The following FAM120C variants were observed in gnomAD, a reference collection of about 807,000 sequenced individuals.
FAM120C encodes family with sequence similarity 120 member C.
Under a neutral mutation model 71.2 loss-of-function variants are expected in FAM120C, and 14 were observed. That is an observed-to-expected ratio of 0.20 (90% CI 0.13 to 0.31). The LOEUF (loss-of-function observed/expected upper bound fraction) is 0.31. Ranked by LOEUF, FAM120C falls within the 10% of genes least tolerant of loss-of-function variation. FAM120C has a pLI of 1.00. For missense variants in FAM120C, 500 were observed against 879.0 expected (o/e 0.57, Z 5.45); for synonymous variants, 354 against 353.2 (o/e 1.00, Z -0.03).
Position 54,135,580 on chromosome X carries a change from T to C in FAM120C, c.1283A>G (p.Asn428Ser), listed in dbSNP as rs910709521. Residue 428 changes from asparagine (N) to serine (S), a missense_variant, in exon 6 of 16, where the codon AAT becomes AGT. Asn to Ser is a conservative substitution (Grantham distance 46). Transcript: ENST00000375180. The stretch of plus-strand genomic sequence containing the variant: ...CACTTGATTTCGTGGAAGGGGAGGA[T>C]TTCCAAGCCTATTATTCCGAAAACC... ...FLGFRNNRLG[N>S]PPLPRNQVGT... 12 of 1,209,546 alleles carry C rather than the reference T, an allele frequency of 9.9e-6. No individual in the cohort carries two copies. Among genetic ancestry groups the C allele is most frequent in the Non-Finnish European group, 1.3e-5 (12 of 894,423 alleles).
intron 10 of FAM120C, among the ~76,000 whole-genome samples, chrX:54,113,269 C>A (rs1468215572): frequency 9.2e-6 from 1 of 108,851 alleles, no homozygotes; most frequent in Non-Finnish European, 1.9e-5. Flanking sequence ...CAAGACCAGC[C>A]TGGCCAACAT....
chrX:54,128,924 C>T (rs1396524150), intron 9 of FAM120C, among the ~76,000 whole-genome samples: 47 of 110,691 alleles, frequency 4.2e-4, no homozygotes, highest in Non-Finnish European at 8.9e-4. Context: ...CCCCACCTTT[C>T]CCCCTTTTCT....
chrX:54,078,819 T>C (rs1479626394), intron 15 of FAM120C, among the ~76,000 whole-genome samples: 1 of 110,111 alleles, frequency 9.1e-6, no homozygotes, highest in Non-Finnish European at 1.9e-5. Flanking sequence ...GGGTGGGGCA[T>C]ACCTAATGAG....
At chrX:54,129,695 C>T (rs1439658287) in intron 9 of FAM120C, among the ~76,000 whole-genome samples, 1 of 112,107 alleles carries the variant, frequency 8.9e-6, no homozygotes, top group Non-Finnish European at 1.9e-5. Context: ...TTGTAGCGAG[C>T]CAAGATCACG....
At chrX:54,145,244 A>C (rs1387297651) in intron 4 of FAM120C, among the ~76,000 whole-genome samples, 1 of 112,358 alleles carries the variant, frequency 8.9e-6, no homozygotes, top group Non-Finnish European at 1.9e-5. Context: ...ACCATTCAGG[A>C]CATAGGCATG....
At chrX:54,174,148 T>C (rs1557136355) in intron 1 of FAM120C, 1 of 513,448 alleles carries the variant, frequency 1.9e-6, no homozygotes, top group Admixed American at 2.6e-5. Flanking sequence ...GGCAGCTTGC[T>C]TCATCAGAGT....
intron 4 of FAM120C, among the ~76,000 whole-genome samples, chrX:54,141,995 T>C (rs138801610): frequency 0.03 from 3,381 of 111,524 alleles, 135 homozygotes; most frequent in African/African-American, 0.1. Flanking sequence ...TATTCATGGA[T>C]TCAAAGGCTC....
chrX:54,094,083 CTTTTTT>C (rs35721972), intron 10 of FAM120C, among the ~76,000 whole-genome samples: 3 of 61,443 alleles, frequency 4.9e-5, no homozygotes, highest in Non-Finnish European at 8.4e-5. Context: ...TCCACGACTC[CTTTTTT>C]TTTTTTTTTT....
intron 13 of FAM120C, among the ~76,000 whole-genome samples, chrX:54,083,726 T>C (rs1448014934): frequency 1.8e-5 from 2 of 110,407 alleles, no homozygotes; most frequent in African/African-American, 6.6e-5. Flanking sequence ...ACCTTTTTGT[T>C]TGTTTGTTTG....
At chrX:54,163,935 TA>T (rs1569533698) in intron 1 of FAM120C, among the ~76,000 whole-genome samples, 3 of 107,594 alleles carry the variant, frequency 2.8e-5, no homozygotes, top group African/African-American at 1.0e-4. Context: ...CATATATATA[TA>T]TATTTTTTTT....
chrX:54,161,506 G>C (rs782618044), intron 1 of FAM120C, among the ~76,000 whole-genome samples: 10 of 112,174 alleles, frequency 8.9e-5, no homozygotes, highest in African/African-American at 1.3e-4. Flanking sequence ...AGAAAGCCAA[G>C]GACTAGTGAT....
intron 9 of FAM120C, among the ~76,000 whole-genome samples, chrX:54,130,150 G>A (rs891839383): frequency 9.9e-6 from 1 of 101,123 alleles, no homozygotes; most frequent in Non-Finnish European, 2.0e-5. Context: ...GGGAGAGGGA[G>A]AGGGAGAGGG....
chrX:54,180,948 CA>C (rs1225066749), intron 1 of FAM120C, among the ~76,000 whole-genome samples: 1 of 108,036 alleles, frequency 9.3e-6, no homozygotes, highest in Non-Finnish European at 1.9e-5. Context: ...GCAGTGAAAA[CA>C]AAGTGGAAAG....
chrX:54,094,083 CT>C (rs35721972), intron 10 of FAM120C, among the ~76,000 whole-genome samples: 31 of 61,456 alleles, frequency 5.0e-4, no homozygotes, highest in African/African-American at 1.6e-3. Context: ...TCCACGACTC[CT>C]TTTTTTTTTT....
At chrX:54,095,907 C>T (rs782701938) in intron 10 of FAM120C, among the ~76,000 whole-genome samples, 17 of 110,974 alleles carry the variant, frequency 1.5e-4, no homozygotes, top group Non-Finnish European at 2.5e-4. Flanking sequence ...CTGCCTGCCT[C>T]GGCCTCCCAA....
chrX:54,134,048 T>TA lies in FAM120C; in HGVS notation c.1617-3dup. On this transcript the variant is annotated splice_polypyrimidine_tract_variant and splice_region_variant and intron_variant, in intron 7 of 15. Coordinates refer to ENST00000375180, the MANE Select transcript of FAM120C (RefSeq NM_017848.6). Reference sequence around the variant, plus strand: ...TGATGAAATGCTTCTGTGATATGACTAAAAAATGTAGAAAGACAGTGTCAA... The same window carrying TA: ...TGATGAAATGCTTCTGTGATATGACTAAAAAAATGTAGAAAGACAGTGTCAA... The TA allele has an allele frequency of 8.3e-7, 1 of 1,204,535 alleles. No individual in the cohort carries two copies. Among genetic ancestry groups the TA allele is most frequent in the East Asian group, 3.0e-5 (1 of 33,780 alleles).
intron 12 of FAM120C, among the ~76,000 whole-genome samples, chrX:54,087,320 A>G (rs966858355): frequency 2.7e-5 from 3 of 109,327 alleles, no homozygotes; most frequent in Non-Finnish European, 3.8e-5. Context: ...TAAAAAAAAA[A>G]AAAAATCCTC....
chrX:54,145,064 G>A (rs1243437495), intron 4 of FAM120C, among the ~76,000 whole-genome samples: 1 of 112,103 alleles, frequency 8.9e-6, no homozygotes, highest in Non-Finnish European at 1.9e-5. Context: ...AAGCAATGGG[G>A]AAAGGATTCC....
intron 11 of FAM120C, among the ~76,000 whole-genome samples, chrX:54,088,952 G>A (rs1264162603): frequency 9.0e-6 from 1 of 110,980 alleles, no homozygotes; most frequent in African/African-American, 3.3e-5. Context: ...AAGAGGCTGA[G>A]GCAGGAGAAT....
Sources: gnomAD v4.1 joint callset for allele counts (sites outside exome capture counted in the v4.1 genomes callset) on GRCh38, gnomAD v4.1.1 for gene constraint, MANE v1.5 for transcripts, NCBI Gene and HGNC (gene_info 2026-07-23, HGNC 2026-07-21) for gene names.